ERBB4: variants seen among roughly 807,000 people sequenced by gnomAD.
ERBB4 encodes the protein receptor tyrosine-protein kinase erbB-4.
A neutral mutation model predicts 158.0 loss-of-function variants in ERBB4; 42 were observed. The ratio of observed to expected loss-of-function variants is 0.27; its 90% CI spans 0.21 to 0.34. The LOEUF is 0.34. Among genes scored for constraint, ERBB4 ranks in the 10% least tolerant of loss-of-function variants. The probability of loss-of-function intolerance (pLI) is 1.00; values close to 1 mark genes in which losing one functional copy is unlikely to be tolerated. For synonymous variants in ERBB4, 583 were observed against 558.7 expected, an observed-to-expected ratio of 1.04 and a Z score of -0.61; for missense variants, 1,333 against 1,624.1, an observed-to-expected ratio of 0.82 and a Z score of 3.08.
intron 1 of ERBB4, among the ~76,000 whole-genome samples, chr2:212,228,065 A>G (rs2083535091): frequency 6.6e-6 from 1 of 152,204 alleles, no homozygotes; most frequent in Admixed American, 6.5e-5. Flanking sequence ...CCCTGTTTCA[A>G]TATTCTATGA....
intron 1 of ERBB4, among the ~76,000 whole-genome samples, chr2:212,194,045 T>C (rs527790799): frequency 7.2e-5 from 11 of 152,188 alleles, no homozygotes; most frequent in African/African-American, 2.4e-4. Context: ...TAAAGGTGCA[T>C]TAAATTAGGA....
chr2:211,916,884 A>G (rs1683593615), intron 3 of ERBB4, among the ~76,000 whole-genome samples: 1 of 152,220 alleles, frequency 6.6e-6, no homozygotes, highest in Admixed American at 6.5e-5. Flanking sequence ...TATTCATATT[A>G]TGGTATATAA....
intron 1 of ERBB4, among the ~76,000 whole-genome samples, chr2:212,453,900 G>A (rs1688134842): frequency 6.6e-6 from 1 of 151,144 alleles, no homozygotes; most frequent in Non-Finnish European, 1.5e-5. Context: ...TGCATGAATT[G>A]CAAATCTTCC....
At chr2:212,223,502 G>A (rs2083374524) in intron 1 of ERBB4, among the ~76,000 whole-genome samples, 1 of 149,354 alleles carries the variant, frequency 6.7e-6, no homozygotes. Context: ...TCTCTATCTT[G>A]TTCAGCCACA....
At chr2:212,163,449 G>C (rs965137176) in intron 1 of ERBB4, among the ~76,000 whole-genome samples, 1 of 151,976 alleles carries the variant, frequency 6.6e-6, no homozygotes, top group Non-Finnish European at 1.5e-5. Context: ...TGTTCTAAAG[G>C]AGTCTGCAAC....
At chr2:212,012,781 G>T (rs919865117) in intron 2 of ERBB4, among the ~76,000 whole-genome samples, 1 of 151,726 alleles carries the variant, frequency 6.6e-6, no homozygotes, top group African/African-American at 2.4e-5. Context: ...GTCTTTCTAT[G>T]TCCCTCAGCC....
chr2:211,954,980 G>GTT (rs2080987997), intron 2 of ERBB4, among the ~76,000 whole-genome samples: 1 of 151,846 alleles, frequency 6.6e-6, no homozygotes, highest in Non-Finnish European at 1.5e-5. Flanking sequence ...TTTTCCCATT[G>GTT]TTTTTAAAAC....
At chr2:212,107,800 C>A (rs1054811195) in intron 2 of ERBB4, among the ~76,000 whole-genome samples, 3 of 152,138 alleles carry the variant, frequency 2.0e-5, no homozygotes, top group African/African-American at 7.2e-5. Context: ...GAATAAGTCT[C>A]AAGAGATCTG....
At position 211,651,290 on chromosome 2, in the gene ERBB4, C is replaced by T. The variant is rs532301420; in HGVS notation, c.1946+6464G>A. ...AATTGATCTCTCATACATAGATGTG[C>T]CTTTATATGGCAAAGTTGCATGACA... On this transcript the variant is annotated intron_variant, in intron 16 of 27. Transcript: ENST00000342788. 2.0e-5 allele frequency among the ~76,000 whole-genome samples: 3 copies of T among 152,178 alleles called. No individual in the cohort carries two copies. In the South Asian group the frequency reaches 6.2e-4, roughly 32 times the overall value.
chr2:212,516,299 A>T (rs112275135), intron 1 of ERBB4, among the ~76,000 whole-genome samples: 1 of 152,160 alleles, frequency 6.6e-6, no homozygotes, highest in African/African-American at 2.4e-5. Context: ...TCTGAAATAT[A>T]TTATTTTAAT....
intron 21 of ERBB4, among the ~76,000 whole-genome samples, chr2:211,430,012 TAAAC>T (rs10555324): frequency 0.3 from 45,621 of 151,792 alleles, 7,057 homozygotes; most frequent in South Asian, 0.51. Flanking sequence ...AATTTGGTAG[TAAAC>T]AAACAGGCAA....
chr2:211,674,470 A>G (rs2071975576), intron 13 of ERBB4, among the ~76,000 whole-genome samples: 1 of 152,184 alleles, frequency 6.6e-6, no homozygotes, highest in Non-Finnish European at 1.5e-5. Context: ...TTTCCAAATG[A>G]ATAGCATAAA....
At chr2:212,074,512 TTTAACCAAATAC>T (rs1191687326) in intron 2 of ERBB4, among the ~76,000 whole-genome samples, 2 of 152,098 alleles carry the variant, frequency 1.3e-5, no homozygotes, top group African/African-American at 4.8e-5. Flanking sequence ...TTGGTTATTA[TTTAACCAAATAC>T]TATTTTAAAA....
rs946961620 is a variant in ERBB4 at position 212,050,078 on chromosome 2, A to G, written c.234+74674T>C. ...TTGAAAAAAAATGGGGAGAATCTTGACAAAAGATTACTGGGAAGCATCAAA... is the reference window on the plus strand; with the variant it reads ...TTGAAAAAAAATGGGGAGAATCTTGGCAAAAGATTACTGGGAAGCATCAAA... On this transcript the variant is annotated intron_variant, in intron 2 of 27. Coordinates refer to ENST00000342788, the MANE Select transcript of ERBB4 (RefSeq NM_005235.3). Among the ~76,000 whole-genome samples, 8 of 152,190 alleles carry G rather than the reference A, an allele frequency of 5.3e-5. 1 individual carries two copies. In the East Asian group the frequency reaches 1.5e-3, roughly 29 times the overall value.
At position 211,556,923 on chromosome 2, in the gene ERBB4, A is replaced by G. The variant is rs73075170; in HGVS notation, c.2487+4980T>C. ...GGTACAAAAACAGACACATAAACCA[A>G]TGGAATAGAAGAAAGAACCCAGAAA... On this transcript the variant is annotated intron_variant, in intron 20 of 27. Coordinates refer to ENST00000342788, the MANE Select transcript of ERBB4 (RefSeq NM_005235.3). Among the ~76,000 whole-genome samples, 990 of 152,274 alleles carry G rather than the reference A, an allele frequency of 6.5e-3. 7 individuals are homozygous for G. Among genetic ancestry groups the G allele is most frequent in the African/African-American group, 0.023 (939 of 41,546 alleles).
chr2:211,425,415 A>G (rs781367594), intron 22 of ERBB4, among the ~76,000 whole-genome samples: 3 of 151,776 alleles, frequency 2.0e-5, no homozygotes, highest in Non-Finnish European at 2.9e-5. Context: ...CTATTACCTG[A>G]TTTTTTTGGT....
chr2:211,754,019 G>A (rs1230084740), intron 4 of ERBB4, among the ~76,000 whole-genome samples: 1 of 151,620 alleles, frequency 6.6e-6, no homozygotes, highest in Non-Finnish European at 1.5e-5. Context: ...CACCACGCCC[G>A]GCTAATTTTT....
At chr2:212,068,341 T>C (rs556505135) in intron 2 of ERBB4, among the ~76,000 whole-genome samples, 4 of 152,036 alleles carry the variant, frequency 2.6e-5, no homozygotes, top group South Asian at 2.1e-4. Context: ...ATAAAAATCA[T>C]AGGAGACCAT....
At position 211,992,544 on chromosome 2, in the gene ERBB4, T is replaced by TGA. The variant is rs147217982; in HGVS notation, c.235-44930_235-44929dup. Reference sequence around the variant, plus strand: ...AAGAAGAGAGGGAGATGAGAGACAGTGAGAGAGAGAGAGAGAGAGAGAGAA... The same window carrying TGA: ...AAGAAGAGAGGGAGATGAGAGACAGTGAGAGAGAGAGAGAGAGAGAGAGAGAA... On this transcript the variant is annotated intron_variant, in intron 2 of 27. Coordinates refer to ENST00000342788, the MANE Select transcript of ERBB4 (RefSeq NM_005235.3). Among the ~76,000 whole-genome samples, 275 of 114,428 alleles carry TGA rather than the reference T, an allele frequency of 2.4e-3. 3 individuals are homozygous for TGA. Among genetic ancestry groups the TGA allele is most frequent in the South Asian group, 8.5e-3 (27 of 3,172 alleles). The allele number at this position is 114,428 out of a possible 152,430, so 75.1% of individuals were successfully genotyped here.
Sources: allele counts gnomAD v4.1 joint callset (sites outside exome capture counted in the v4.1 genomes callset), GRCh38; gene constraint gnomAD v4.1.1; transcripts MANE v1.5; gene names NCBI Gene and HGNC (gene_info 2026-07-23, HGNC 2026-07-21).